Variants in LARGE1 observed in about 807,000 individuals in gnomAD.
The protein encoded by LARGE1 is LARGE xylosyl- and glucuronyltransferase 1, also known as xylosyl- and glucuronyltransferase LARGE1.
A neutral mutation model predicts 87.6 loss-of-function variants in LARGE1; 43 were observed. That is an observed-to-expected ratio of 0.49 (90% confidence interval 0.38 to 0.63). LARGE1 has a LOEUF of 0.63. LARGE1 is among the 30% of genes least tolerant of loss of function. The probability of loss-of-function intolerance (pLI) is 0.00; values close to 1 mark genes in which losing one functional copy is unlikely to be tolerated. For missense variants in LARGE1, 802 were observed against 1,000.2 expected (o/e 0.80, Z 2.67); for synonymous variants, 434 against 394.6 (o/e 1.10, Z -1.18).
intron 5 of LARGE1, among the ~76,000 whole-genome samples, chr22:33,573,458 A>G (rs2078265708): frequency 6.6e-6 from 1 of 152,144 alleles, no homozygotes; most frequent in East Asian, 1.9e-4. Context: ...AAAAAAAGTC[A>G]TCTGCATTTG....
chr22:33,539,607 T>G (rs76615990), intron 6 of LARGE1, among the ~76,000 whole-genome samples: 2 of 151,464 alleles, frequency 1.3e-5, no homozygotes, highest in Non-Finnish European at 2.9e-5. Flanking sequence ...TTTTTTTTTT[T>G]GAGACAGGGT....
intron 1 of LARGE1, among the ~76,000 whole-genome samples, chr22:33,858,477 C>T (rs944173437): frequency 1.4e-4 from 21 of 152,230 alleles, no homozygotes; most frequent in South Asian, 6.2e-4. Context: ...TTGTCCCTCC[C>T]GCTGTGCTCT....
intron 11 of LARGE1, among the ~76,000 whole-genome samples, chr22:33,212,418 C>T (rs1316452895): frequency 6.6e-6 from 1 of 152,134 alleles, no homozygotes; most frequent in Admixed American, 6.5e-5. Context: ...ATATTTTAAG[C>T]CCAGTGTTGA....
intron 6 of LARGE1, among the ~76,000 whole-genome samples, chr22:33,519,229 C>CGTGTGTGTGTGT (rs1383308422): frequency 7.3e-6 from 1 of 136,766 alleles, no homozygotes; most frequent in African/African-American, 2.6e-5. Flanking sequence ...TGCGTGCGTG[C>CGTGTGTGTGTGT]GCGCGCGTGT....
At chr22:33,615,420 A>G (rs765675190) in intron 4 of LARGE1, among the ~76,000 whole-genome samples, 1 of 152,244 alleles carries the variant, frequency 6.6e-6, no homozygotes, top group African/African-American at 2.4e-5. Context: ...ACATTGGGTT[A>G]GGTAATTGTT....
Position 33,771,745 on chromosome 22 carries a change from C to T in LARGE1, c.-82-10187G>A, listed in dbSNP as rs377404823. On this transcript the variant is annotated intron_variant, in intron 1 of 14. Coordinates refer to ENST00000397394, the MANE Select transcript of LARGE1 (RefSeq NM_133642.5). Reference sequence around the variant, plus strand: ...TTCCTATATACCCACTGGATAAACCCACATGCATCTCAGACCTCAACTCCT... The same window carrying T: ...TTCCTATATACCCACTGGATAAACCTACATGCATCTCAGACCTCAACTCCT... 2.6e-5 allele frequency among the ~76,000 whole-genome samples: 4 copies of T among 152,286 alleles called. No homozygotes were observed. The East Asian group carries it at 5.8e-4, about 22-fold the overall frequency.
intron 6 of LARGE1, among the ~76,000 whole-genome samples, chr22:33,542,639 TAG>T (rs1184962085): frequency 1.3e-5 from 2 of 150,854 alleles, no homozygotes; most frequent in Non-Finnish European, 2.9e-5. Context: ...AAGATAAATG[TAG>T]GGTATGAGGA....
At chr22:33,284,588 T>A (rs113919659) in intron 12 of LARGE1, among the ~76,000 whole-genome samples, 5 of 152,044 alleles carry the variant, frequency 3.3e-5, no homozygotes, top group Non-Finnish European at 7.4e-5. Context: ...TGAGGCTTTT[T>A]TTTTTTGGAG....
intron 1 of LARGE1, among the ~76,000 whole-genome samples, chr22:33,908,918 A>G (rs1390467795): frequency 6.6e-6 from 1 of 152,170 alleles, no homozygotes; most frequent in Non-Finnish European, 1.5e-5. Flanking sequence ...CAGAGCTCCA[A>G]GCACTTTGCT....
intron 1 of LARGE1, among the ~76,000 whole-genome samples, chr22:33,784,339 G>C (rs191008763): frequency 6.6e-6 from 1 of 152,202 alleles, no homozygotes; most frequent in African/African-American, 2.4e-5. Flanking sequence ...CCAATGTATA[G>C]AAGAGGAAAT....
intron 1 of LARGE1, among the ~76,000 whole-genome samples, chr22:33,785,160 T>C (rs570139359): frequency 7.3e-6 from 1 of 137,290 alleles, no homozygotes; most frequent in African/African-American, 2.8e-5. Context: ...TATATACATA[T>C]ATGTGTATAC....
chr22:33,647,210 C>T (rs2080647304), intron 3 of LARGE1, among the ~76,000 whole-genome samples: 1 of 152,022 alleles, frequency 6.6e-6, no homozygotes, highest in Non-Finnish European at 1.5e-5. Flanking sequence ...TGAGAACCAC[C>T]CATGTGACAG....
intron 1 of LARGE1, among the ~76,000 whole-genome samples, chr22:33,903,841 CA>C (rs1340113490): frequency 6.6e-6 from 1 of 151,928 alleles, no homozygotes; most frequent in African/African-American, 2.4e-5. Context: ...CAAAACAAAA[CA>C]AAAAAAGTCT....
chr22:33,341,195 A>G (rs1309359034), intron 9 of LARGE1, among the ~76,000 whole-genome samples: 1 of 152,062 alleles, frequency 6.6e-6, no homozygotes, highest in Non-Finnish European at 1.5e-5. Flanking sequence ...GACACCCCAA[A>G]GTGCTCCCTT....
chr22:33,683,827 A>T (rs79336623), intron 2 of LARGE1, among the ~76,000 whole-genome samples: 7 of 152,130 alleles, frequency 4.6e-5, no homozygotes, highest in African/African-American at 7.2e-5. Flanking sequence ...CCAAGAAAAC[A>T]GAGTATACTC....
chr22:33,589,258 C>A (rs773225163), intron 5 of LARGE1, among the ~76,000 whole-genome samples: 17 of 152,288 alleles, frequency 1.1e-4, no homozygotes, highest in Non-Finnish European at 2.4e-4. Context: ...TATCACAGCA[C>A]TAATTTCAAG....
At chr22:33,597,016 A>G (rs1180421448) in intron 5 of LARGE1, among the ~76,000 whole-genome samples, 1 of 152,216 alleles carries the variant, frequency 6.6e-6, no homozygotes, top group African/African-American at 2.4e-5. Context: ...CCCAGAGCAG[A>G]TAATGCCCTT....
chr22:33,513,564 G>C (rs1274797202), intron 6 of LARGE1, among the ~76,000 whole-genome samples: 1 of 152,118 alleles, frequency 6.6e-6, no homozygotes, highest in Non-Finnish European at 1.5e-5. Context: ...GCAGATCCAG[G>C]AGGCAGCGAG....
intron 1 of LARGE1, among the ~76,000 whole-genome samples, chr22:33,813,173 T>C (rs1419431107): frequency 6.7e-6 from 1 of 149,966 alleles, no homozygotes; most frequent in East Asian, 2.0e-4. Flanking sequence ...CTGGCCAACA[T>C]GGCAAAATCC....
Sources: allele counts gnomAD v4.1 joint callset (sites outside exome capture counted in the v4.1 genomes callset), GRCh38; gene constraint gnomAD v4.1.1; transcripts MANE v1.5; gene names NCBI Gene and HGNC (gene_info 2026-07-23, HGNC 2026-07-21).